The following SNTG1 variants were observed in gnomAD, a reference collection of about 807,000 sequenced individuals.
SNTG1 encodes the protein syntrophin gamma 1, also known as gamma-1-syntrophin.
SNTG1 carries 39 observed loss-of-function variants against 74.7 expected under a neutral mutation model. The ratio of observed to expected loss-of-function variants is 0.52; its 90% CI spans 0.40 to 0.68. The LOEUF (loss-of-function observed/expected upper bound fraction) is 0.68. SNTG1 is among the 30% of genes least tolerant of loss of function. The probability of loss-of-function intolerance (pLI) is 0.00; values close to 1 mark genes in which losing one functional copy is unlikely to be tolerated. For synonymous variants in SNTG1, 254 were observed against 217.1 expected, an observed-to-expected ratio of 1.17 and a Z score of -1.49; for missense variants, 685 against 609.5, an observed-to-expected ratio of 1.12 and a Z score of -1.30.
At chr8:50,019,013 A>G (rs572944240) in intron 1 of SNTG1, among the ~76,000 whole-genome samples, 2 of 152,020 alleles carry the variant, frequency 1.3e-5, no homozygotes, top group Non-Finnish European at 2.9e-5. Context: ...CCTAGCAAAA[A>G]TAGAGATAGA....
At chr8:50,680,122 T>G (rs1006750584) in intron 15 of SNTG1, among the ~76,000 whole-genome samples, 1 of 152,176 alleles carries the variant, frequency 6.6e-6, no homozygotes, top group African/African-American at 2.4e-5. Context: ...CTCCATCATG[T>G]ACAATTCCTA....
chr8:50,757,998 G>A (rs2095585788), intron 18 of SNTG1, among the ~76,000 whole-genome samples: 1 of 151,632 alleles, frequency 6.6e-6, no homozygotes. Context: ...TTCTATTATT[G>A]TTGTCACTCA....
intron 9 of SNTG1, among the ~76,000 whole-genome samples, chr8:50,523,017 T>A (rs186532099): frequency 6.6e-6 from 1 of 152,356 alleles, no homozygotes; most frequent in Non-Finnish European, 1.5e-5. Flanking sequence ...CTAAAGCTCC[T>A]GCAACAGCAC....
intron 2 of SNTG1, among the ~76,000 whole-genome samples, chr8:50,320,350 TG>T (rs2090476810): frequency 6.6e-6 from 1 of 152,194 alleles, no homozygotes; most frequent in Admixed American, 6.5e-5. Context: ...CCATATCAAT[TG>T]TAATGTTTCA....
intron 8 of SNTG1, among the ~76,000 whole-genome samples, chr8:50,464,214 A>G (rs565895280): frequency 6.6e-6 from 1 of 152,114 alleles, no homozygotes; most frequent in African/African-American, 2.4e-5. Context: ...CTTTCTCACC[A>G]TTTGCATCTT....
rs565070770 is a variant in SNTG1 at position 50,136,480 on chromosome 8, T to G, written c.-102-36081T>G. On this transcript the variant is annotated intron_variant, in intron 1 of 18. Transcript: ENST00000642720. The stretch of plus-strand genomic sequence containing the variant: ...GTGTGAGATGGTATCCCTTTGTGGT[T>G]TTGATTTGTATTTCTCTAGTGATCA... 7.2e-4 allele frequency among the ~76,000 whole-genome samples: 109 copies of G among 152,258 alleles called. 1 individual carries two copies. The highest frequency in any genetic ancestry group is 1.5e-3 in the Non-Finnish European group (99 of 68,004).
intron 2 of SNTG1, among the ~76,000 whole-genome samples, chr8:50,311,174 G>T (rs2090096215): frequency 6.6e-6 from 1 of 152,102 alleles, no homozygotes; most frequent in South Asian, 2.1e-4. Context: ...GGCTATCTAA[G>T]GTTTGTGTTC....
Position 49,926,635 on chromosome 8 carries a change from C to T in SNTG1, c.-103+14404C>T, listed in dbSNP as rs191698806. On this transcript the variant is annotated intron_variant, in intron 1 of 18. Transcript: ENST00000642720. ...AAATGTAAAATTCAAAACCACTAAA[C>T]TCCTTGAAGATATCATAAGAGAAAA... Among the ~76,000 whole-genome samples the T allele has an allele frequency of 1.5e-3, 224 of 152,222 alleles. 1 individual carries two copies. The highest frequency in any genetic ancestry group is 0.01 in the Middle Eastern group (3 of 294).
chr8:50,223,949 CAGA>C (rs2085197268), intron 2 of SNTG1, among the ~76,000 whole-genome samples: 1 of 151,648 alleles, frequency 6.6e-6, no homozygotes, highest in Admixed American at 6.6e-5. Flanking sequence ...GTAGAAAATC[CAGA>C]AGAATCCCAA....
At chr8:50,553,004 A>T in intron 11 of SNTG1, 46 bp from the exon 12 acceptor site, 2 of 1,608,582 alleles carry the variant, frequency 1.2e-6, no homozygotes, top group Non-Finnish European at 1.7e-6. Flanking sequence ...CTGCAAATAG[A>T]TCAATGACAT....
intron 2 of SNTG1, among the ~76,000 whole-genome samples, chr8:50,347,681 C>G (rs1031495748): frequency 6.6e-6 from 1 of 152,106 alleles, no homozygotes; most frequent in Non-Finnish European, 1.5e-5. Context: ...CCATTAAGAA[C>G]ATTTATCTTT....
At chr8:50,565,307 C>A (rs1212400696) in intron 12 of SNTG1, among the ~76,000 whole-genome samples, 1 of 151,872 alleles carries the variant, frequency 6.6e-6, no homozygotes, top group Non-Finnish European at 1.5e-5. Flanking sequence ...CTGTGGAAAT[C>A]TGAAAAGAGT....
At chr8:49,975,320 A>T (rs1180381954) in intron 1 of SNTG1, among the ~76,000 whole-genome samples, 1 of 152,136 alleles carries the variant, frequency 6.6e-6, no homozygotes, top group Non-Finnish European at 1.5e-5. Context: ...GGATTTCTGG[A>T]ATTTCTTAGA....
intron 1 of SNTG1, among the ~76,000 whole-genome samples, chr8:50,026,199 G>A (rs1817248610): frequency 6.6e-6 from 1 of 152,158 alleles, no homozygotes; most frequent in Non-Finnish European, 1.5e-5. Context: ...TCTAGATTGA[G>A]TCCATGTATA....
chr8:50,400,635 CT>C (rs1390622844), intron 3 of SNTG1, among the ~76,000 whole-genome samples: 1 of 152,146 alleles, frequency 6.6e-6, no homozygotes, highest in Non-Finnish European at 1.5e-5. Context: ...TAAGGGTTCA[CT>C]TTTCTCCACA....
At chr8:49,918,931 A>G (rs540597606) in intron 1 of SNTG1, among the ~76,000 whole-genome samples, 33 of 152,312 alleles carry the variant, frequency 2.2e-4, no homozygotes, top group African/African-American at 7.9e-4. Flanking sequence ...AAAGAGAATT[A>G]CTGGCTTATG....
chr8:50,302,273 GGC>G (rs1207993510), intron 2 of SNTG1, among the ~76,000 whole-genome samples: 3 of 152,062 alleles, frequency 2.0e-5, no homozygotes, highest in Non-Finnish European at 4.4e-5. Context: ...CAGTTAGCTG[GGC>G]CCTTTCCTGT....
chr8:50,469,565 TCCC>T (rs2093635317), intron 8 of SNTG1, among the ~76,000 whole-genome samples: 1 of 152,110 alleles, frequency 6.6e-6, no homozygotes, highest in African/African-American at 2.4e-5. Flanking sequence ...CAGCCCCCAC[TCCC>T]CCACTTTTGT....
intron 1 of SNTG1, among the ~76,000 whole-genome samples, chr8:50,141,493 G>A (rs1210069251): frequency 4.6e-5 from 7 of 152,190 alleles, no homozygotes; most frequent in East Asian, 1.9e-4. Flanking sequence ...CTACCTAAAC[G>A]CTTGCAATGA....
Sources: allele counts gnomAD v4.1 joint callset (sites outside exome capture counted in the v4.1 genomes callset), GRCh38; gene constraint gnomAD v4.1.1; transcripts MANE v1.5; gene names NCBI Gene and HGNC (gene_info 2026-07-23, HGNC 2026-07-21).